The following ITGA2 variants were observed in gnomAD, a reference collection of about 807,000 sequenced individuals.
The protein encoded by ITGA2 is integrin subunit alpha 2, also known as integrin alpha-2.
ITGA2 carries 101 observed loss-of-function variants against 146.3 expected under a neutral mutation model. The observed-to-expected ratio is 0.69, with a 90% CI of 0.59 to 0.81. The LOEUF is 0.81. ITGA2 is among the 40% of genes least tolerant of loss of function. ITGA2 has a pLI of 0.00. For missense variants in ITGA2, 1,281 were observed against 1,402.7 expected (o/e 0.91, Z 1.39); for synonymous variants, 477 against 487.1 (o/e 0.98, Z 0.27).
rs34063396 is a variant in ITGA2 at position 53,034,407 on chromosome 5, C to CAA, written c.185+7552_185+7553dup. 2.2e-3 allele frequency among the ~76,000 whole-genome samples: 310 copies of CAA among 143,596 alleles called. 2 individuals are homozygous for CAA. In the South Asian group the frequency reaches 0.027, roughly 13 times the overall value. The allele number at this position is 143,596 out of a possible 152,430, so 94.2% of individuals were successfully genotyped here. On this transcript the variant is annotated intron_variant, in intron 2 of 29. Coordinates refer to ENST00000296585, the MANE Select transcript of ITGA2 (RefSeq NM_002203.4). ...CCGGGGCAACAGTGAGACTCCAACT[C>CAA]AAAAAAAAAAAAAATCTATAGTAGG...
In ITGA2 at chr5:53,090,619, G is replaced by A. The variant is rs1330383309; in HGVS notation, c.*20G>A. 6.3e-7 allele frequency: 1 copy of A among 1,593,646 alleles called. No homozygotes were observed. Among genetic ancestry groups the A allele is most frequent in the Non-Finnish European group, 8.6e-7 (1 of 1,161,400 alleles). ...AGCTGAACCAGCAGACCTACCTGCAGTGGGAACCGGCAGCATCCCAGCCAG... is the reference window on the plus strand; with the variant it reads ...AGCTGAACCAGCAGACCTACCTGCAATGGGAACCGGCAGCATCCCAGCCAG... On this transcript the variant is annotated 3_prime_UTR_variant, in exon 30 of 30. Transcript: ENST00000296585.
In ITGA2 at chr5:53,024,493, A is replaced by C. The variant is rs574138666; in HGVS notation, c.65-2255A>C. On this transcript the variant is annotated intron_variant, in intron 1 of 29. Coordinates refer to ENST00000296585, the MANE Select transcript of ITGA2 (RefSeq NM_002203.4). ...CTGAGAAAGTAAGAGTGAATAAAAG[A>C]AACAAGGTTTGACTTCTCAAGGAGC... 1.4e-3 allele frequency among the ~76,000 whole-genome samples: 214 copies of C among 152,348 alleles called. 2 individuals carry two copies. Among genetic ancestry groups the C allele is most frequent in the African/African-American group, 4.9e-3 (203 of 41,568 alleles).
chr5:53,076,795 G>A (rs1487241149), intron 23 of ITGA2, among the ~76,000 whole-genome samples: 1 of 151,974 alleles, frequency 6.6e-6, no homozygotes, highest in African/African-American at 2.4e-5. Context: ...GAATTCAAAT[G>A]TATTCTAATG....
chr5:52,994,606 A>C (rs188289957), intron 1 of ITGA2, among the ~76,000 whole-genome samples: 77 of 152,360 alleles, frequency 5.1e-4, no homozygotes, highest in African/African-American at 1.7e-3. Flanking sequence ...GATGTCAACT[A>C]GCTTAAGGAT....
intron 1 of ITGA2, among the ~76,000 whole-genome samples, chr5:52,999,022 C>T (rs551577593): frequency 9.2e-4 from 140 of 151,958 alleles, no homozygotes; most frequent in Middle Eastern, 3.4e-3. Flanking sequence ...AATGTTTTTC[C>T]TTTTTCATAA....
intron 2 of ITGA2, among the ~76,000 whole-genome samples, chr5:53,037,737 C>G (rs1743557751): frequency 6.6e-6 from 1 of 152,098 alleles, no homozygotes; most frequent in Non-Finnish European, 1.5e-5. Flanking sequence ...CCAACATGAC[C>G]TGTAGCCTAC....
chr5:53,064,783 A>G, intron 13 of ITGA2, 129 bp from the exon 14 acceptor site: 1 of 829,180 alleles, frequency 1.2e-6, no homozygotes, highest in Non-Finnish European at 2.1e-6. Context: ...GGCTTCAAGT[A>G]GTCCTTCTGC....
In ITGA2 at chr5:53,055,621, A is replaced by G; in HGVS notation, c.863A>G (p.Asp288Gly). 6.2e-7 allele frequency: 1 copy of G among 1,613,192 alleles called. No individual in the cohort carries two copies. Among genetic ancestry groups the G allele is most frequent in the South Asian group, 1.1e-5 (1 of 91,062 alleles). ...MVVVTDGESH[D>G]GSMLKAVIDQ... ...GTTGTAACTGACGGTGAATCACATG[A>G]TGGTTCAATGTTGAAAGCTGTGATT... Residue 288 changes from aspartate (D) to glycine (G), a missense_variant, in exon 8 of 30, where the codon GAT becomes GGT. Asp to Gly is a moderately conservative substitution (Grantham distance 94). Around this residue, in one of 3 missense-constraint regions of ITGA2, gnomAD observed 795 missense variants for 841.7 expected, o/e 0.94. Transcript: ENST00000296585.
chr5:53,073,399 T>A, intron 20 of ITGA2, 140 bp downstream of exon 20: 2 of 918,984 alleles, frequency 2.2e-6, no homozygotes, highest in Non-Finnish European at 3.6e-6. Flanking sequence ...TCCGACTAGT[T>A]AAACTGCATG....
intron 1 of ITGA2, among the ~76,000 whole-genome samples, chr5:52,995,835 A>G (rs1400944731): frequency 6.6e-6 from 1 of 152,242 alleles, no homozygotes; most frequent in Non-Finnish European, 1.5e-5. Context: ...GGCTTTGGCC[A>G]TGGCTCAAGG....
intron 1 of ITGA2, among the ~76,000 whole-genome samples, chr5:53,000,897 G>GTTTTTTTTTTTTCTTTTTT: frequency 1.0e-5 from 1 of 97,226 alleles, no homozygotes; most frequent in Non-Finnish European, 2.0e-5. Context: ...TTTTCTTTTT[G>GTTTTTTTTTTTTCTTTTTT]TTTTTTTTTT....
chr5:53,034,310 C>T (rs1196349456), intron 2 of ITGA2, among the ~76,000 whole-genome samples: 1 of 151,800 alleles, frequency 6.6e-6, no homozygotes, highest in African/African-American at 2.4e-5. Context: ...AGTGGCATGT[C>T]TCATCTCAAC....
intron 1 of ITGA2, among the ~76,000 whole-genome samples, chr5:53,017,236 A>T (rs1742434922): frequency 6.6e-6 from 1 of 152,108 alleles, no homozygotes; most frequent in Non-Finnish European, 1.5e-5. Context: ...CAGTCTTTGA[A>T]ATTGCTACTT....
intron 1 of ITGA2, 38 bp downstream of exon 1, chr5:52,989,570 G>A (rs1483095022): frequency 5.6e-6 from 9 of 1,610,354 alleles, no homozygotes; most frequent in African/African-American, 1.3e-5. Context: ...CTGCAGGAGG[G>A]ACCCGCGCGG....
chr5:53,014,883 T>C (rs1301299032), intron 1 of ITGA2, among the ~76,000 whole-genome samples: 1 of 152,186 alleles, frequency 6.6e-6, no homozygotes, highest in Admixed American at 6.5e-5. Context: ...TTTGTGTGCA[T>C]AGAGGTGTTC....
chr5:53,006,127 T>C (rs1196649547), intron 1 of ITGA2, among the ~76,000 whole-genome samples: 1 of 151,900 alleles, frequency 6.6e-6, no homozygotes, highest in Admixed American at 6.6e-5. Context: ...AATACCTAGG[T>C]GATGGATTGA....
intron 2 of ITGA2, among the ~76,000 whole-genome samples, chr5:53,032,756 TG>T (rs1453455120): frequency 2.0e-5 from 3 of 152,192 alleles, no homozygotes; most frequent in African/African-American, 7.2e-5. Context: ...AGCTGTTTCC[TG>T]GGCAAAGATG....
chr5:53,009,453 T>C (rs926764257), intron 1 of ITGA2, among the ~76,000 whole-genome samples: 13 of 152,162 alleles, frequency 8.5e-5, no homozygotes, highest in African/African-American at 3.1e-4. Flanking sequence ...GCAGAATATT[T>C]GACCTAATTG....
chr5:53,051,424 A>G lies in ITGA2; in HGVS notation c.644A>G (p.Gln215Arg). The G allele has an allele frequency of 1.2e-6, 2 of 1,613,460 alleles. No homozygotes were observed. The highest frequency in any genetic ancestry group is 1.7e-6 in the Non-Finnish European group (2 of 1,179,544). Residue 215 changes from glutamine to arginine, a missense_variant, in exon 7 of 30, where the codon CAG becomes CGG. Transcript: ENST00000296585. ...GPTKTQVGLI[Q>R]YANNPRVVFN... ...CCTCTGTTGAAGGTGGGGTTAATTCAGTATGCCAATAATCCAAGAGTTGTG... is the reference window on the plus strand; with the variant it reads ...CCTCTGTTGAAGGTGGGGTTAATTCGGTATGCCAATAATCCAAGAGTTGTG...
Sources: allele counts gnomAD v4.1 joint callset (sites outside exome capture counted in the v4.1 genomes callset), GRCh38; gene constraint gnomAD v4.1.1; regional missense constraint gnomAD v4.1.1; transcripts MANE v1.5; gene names NCBI Gene and HGNC (gene_info 2026-07-23, HGNC 2026-07-21).